ZNF790: variants seen among roughly 807,000 people sequenced by gnomAD.
The protein encoded by ZNF790 is zinc finger protein 790.
ZNF790 carries 8 observed loss-of-function variants against 12.1 expected under a neutral mutation model. The observed-to-expected ratio is 0.66, with a 90% CI of 0.39 to 1.19. The LOEUF (loss-of-function observed/expected upper bound fraction) is 1.19, where lower values mean the gene tolerates loss of function less well. Among genes scored for constraint, ZNF790 ranks in the 50% most tolerant of loss-of-function variants. ZNF790 has a pLI of 0.01. For missense variants in ZNF790, 707 were observed against 752.2 expected, an observed-to-expected ratio of 0.94 and a Z score of 0.70; for synonymous variants, 252 against 244.3, an observed-to-expected ratio of 1.03 and a Z score of -0.29.
intron 1 of ZNF790, among the ~76,000 whole-genome samples, chr19:36,829,650 C>G (rs1042359150): frequency 6.6e-6 from 1 of 152,200 alleles, no homozygotes; most frequent in Admixed American, 6.5e-5. Flanking sequence ...TCACCACAAC[C>G]TCCACCTCTG....
upstream of ZNF790, among the ~76,000 whole-genome samples, chr19:36,841,841 T>C (rs1216154753): frequency 8.6e-6 from 1 of 116,660 alleles, no homozygotes; most frequent in Non-Finnish European, 1.7e-5. Context: ...ATAGCAAGAC[T>C]CCATCTCGGG....
chr19:36,821,740 T>C (rs1353869519), intron 4 of ZNF790, among the ~76,000 whole-genome samples: 1 of 152,008 alleles, frequency 6.6e-6, no homozygotes, highest in East Asian at 1.9e-4. Context: ...CCCACCCCCA[T>C]GCCCAGCTCA....
chr19:36,825,565 T>C (rs1472243578), intron 2 of ZNF790, 46 bp downstream of exon 2: 1 of 1,588,350 alleles, frequency 6.3e-7, no homozygotes, highest in African/African-American at 1.3e-5. Context: ...TCACATGATT[T>C]GATATAAATG....
At position 36,819,243 on chromosome 19, in the gene ZNF790, C is replaced by G. The variant is rs1243291902; in HGVS notation, c.1101G>C (p.Glu367Asp). The G allele has an allele frequency of 1.2e-6, 2 of 1,613,588 alleles. No individual in the cohort carries two copies. ...QRIHTGEKSH[E>D]CKECGKAFIR... The stretch of plus-strand genomic sequence containing the variant: ...TAAAGGCTTTTCCACATTCCTTACA[C>G]TCATGAGATTTCTCACCAGTATGAA... Residue 367 changes from glutamate (E) to aspartate (D), a missense_variant, in exon 5 of 5, where the codon GAG (glutamate) becomes GAC (aspartate). Physicochemically the swap from Glu to Asp is conservative, Grantham distance 45. Transcript: ENST00000356725.
Position 36,838,127 on chromosome 19 carries a change from C to CACAT in ZNF790, c.-74+209_-74+210insATGT, listed in dbSNP as rs1458021940. On this transcript the variant is annotated intron_variant, in intron 1 of 4. Coordinates refer to ENST00000356725, the MANE Select transcript of ZNF790 (RefSeq NM_206894.4). This position sits in a 1 kb window ranked among gnomAD's most constrained non-coding sequence, Gnocchi z 4.4. Reference sequence around the variant, plus strand: ...GCGCGCACACACACACACACACACACATACACACACACACACACAAGCTCC... The same window carrying CACAT: ...GCGCGCACACACACACACACACACACACATATACACACACACACACACAAGCTCC... 5 of 75,232 alleles carry CACAT rather than the reference C, an allele frequency of 6.6e-5. No homozygotes were observed. In the East Asian group the frequency reaches 1.5e-3, roughly 22 times the overall value. The allele number at this position is 75,232 out of a possible 1,614,324, so 4.7% of individuals were successfully genotyped here.
At position 36,823,379 on chromosome 19, in the gene ZNF790, A is replaced by G. The variant is rs2146026245; in HGVS notation, c.135T>C (p.Gly45=). The change falls in exon 4 of 5, where the codon GGT becomes GGC. Residue 45 remains glycine (G), a splice_region_variant and synonymous_variant. Transcript: ENST00000356725. The part of the protein sequence containing the change: ...LENYSNMVSL[G]FCIYQPEAFS... The stretch of plus-strand genomic sequence containing the variant: ...ACGCTTCTGGCTGATAAATGCAAAA[A>G]CCTGCCCAGAAGATGAGAAACAGCA... 6 of 1,613,582 alleles carry G rather than the reference A, an allele frequency of 3.7e-6. No homozygotes were observed. In the East Asian group the frequency reaches 1.3e-4, roughly 36 times the overall value.
At chr19:36,845,634 G>T (rs2072173312) in intron 1 of ZNF790, among the ~76,000 whole-genome samples, 1 of 152,132 alleles carries the variant, frequency 6.6e-6, no homozygotes, top group Admixed American at 6.6e-5. Context: ...TCAATAATTT[G>T]TCCTAGACTA....
intron 4 of ZNF790, 31 bp downstream of exon 4, chr19:36,823,254 G>C: frequency 6.4e-7 from 1 of 1,573,088 alleles, no homozygotes; most frequent in Non-Finnish European, 8.7e-7. Context: ...CACAACAATG[G>C]CCTCCTTGTG....
chr19:36,826,255 G>A (rs1476299537), intron 1 of ZNF790, among the ~76,000 whole-genome samples: 1 of 152,044 alleles, frequency 6.6e-6, no homozygotes, highest in East Asian at 1.9e-4. Context: ...GCTGGATTGG[G>A]CGAGTAGTCA....
Position 36,819,607 on chromosome 19 carries a change from C to G in ZNF790, c.737G>C (p.Arg246Thr). The change falls in exon 5 of 5, where the codon AGA (arginine) becomes ACA (threonine). Residue 246 changes from arginine (R) to threonine (T), a missense_variant. Coordinates refer to ENST00000356725, the MANE Select transcript of ZNF790 (RefSeq NM_206894.4). Reference protein sequence around the residue: ...SLRSSLTGHKRIHTGEKPFKC... With the variant: ...SLRSSLTGHKTIHTGEKPFKC... ...AAAAGGTTTCTCACCGGTATGAATT[C>G]TCTTATGACCAGTAAGACTCGAACG... 4 of 1,606,708 alleles carry G rather than the reference C, an allele frequency of 2.5e-6. No individual in the cohort carries two copies. Among genetic ancestry groups the G allele is most frequent in the Non-Finnish European group, 3.4e-6 (4 of 1,176,650 alleles).
intron 1 of ZNF790, among the ~76,000 whole-genome samples, chr19:36,848,180 A>AG (rs1167561578): frequency 6.6e-6 from 1 of 152,226 alleles, no homozygotes; most frequent in Non-Finnish European, 1.5e-5. Flanking sequence ...TTCAACCACA[A>AG]GTGAGTTAAT....
rs376128402 is a variant in ZNF790 at position 36,820,145 on chromosome 19, G to A, written c.230-31C>T. 16 of 1,567,408 alleles carry A rather than the reference G, an allele frequency of 1.0e-5. No individual in the cohort carries two copies. The African/African-American group carries it at 1.4e-4, about 13-fold the overall frequency. On this transcript the variant is annotated intron_variant, in intron 4 of 4. Coordinates refer to ENST00000356725, the MANE Select transcript of ZNF790 (RefSeq NM_206894.4). ...AAATAAGAAGGTAAAAACATCATAC[G>A]GTTGTATGTACAAAAAGCAATACAA... is the stretch of plus-strand genomic sequence containing the variant.
At chr19:36,835,742 T>C (rs2072032585) in intron 1 of ZNF790, among the ~76,000 whole-genome samples, 1 of 151,768 alleles carries the variant, frequency 6.6e-6, no homozygotes, top group Non-Finnish European at 1.5e-5. Flanking sequence ...ATTCGTTTTC[T>C]TATGTTTTCC....
intron 2 of ZNF790, among the ~76,000 whole-genome samples, chr19:36,825,068 C>T (rs1025732962): frequency 6.6e-6 from 1 of 152,188 alleles, no homozygotes; most frequent in Non-Finnish European, 1.5e-5. Context: ...CTATACCAGC[C>T]TGGAATAACT....
At chr19:36,823,874 G>A in intron 2 of ZNF790, 84 bp from the exon 3 acceptor site, 2 of 1,331,040 alleles carry the variant, frequency 1.5e-6, no homozygotes, top group Non-Finnish European at 2.0e-6. Flanking sequence ...GGAAAGGCTG[G>A]AAAGGGGCAC....
Position 36,818,630 on chromosome 19 carries a change from T to C in ZNF790, c.1714A>G (p.Ser572Gly). The C allele has an allele frequency of 6.2e-7, 1 of 1,611,514 alleles. No homozygotes were observed. The highest frequency in any genetic ancestry group is 8.5e-7 in the Non-Finnish European group (1 of 1,178,778). The change falls in exon 5 of 5, where the codon AGT becomes GGT. Residue 572 changes from serine (S) to glycine (G), a missense_variant. By Grantham distance (56) the Ser-to-Gly change is moderately conservative (BLOSUM62 0). Coordinates refer to ENST00000356725, the MANE Select transcript of ZNF790 (RefSeq NM_206894.4). Reference protein sequence around the residue: ...YGCKKSSHIFSHHSYFTEQKI... With the variant: ...YGCKKSSHIFGHHSYFTEQKI... ...TGTTCAGTAAAATATGAATGGTGAC[T>C]AAAGATGTGGCTACTTTTCTTGCAT... is the stretch of plus-strand genomic sequence containing the variant.
At chr19:36,825,511 A>G (rs899910782) in intron 2 of ZNF790, 100 bp downstream of exon 2, 26 of 1,216,522 alleles carry the variant, frequency 2.1e-5, no homozygotes, top group South Asian at 6.0e-5. Context: ...ATGACACTCA[A>G]TAGTGATTCA....
Position 36,819,324 on chromosome 19 carries a change from A to C in ZNF790, c.1020T>G (p.Cys340Trp). Residue 340 changes from cysteine to tryptophan, a missense_variant, in exon 5 of 5, where the codon TGT becomes TGG. Coordinates refer to ENST00000356725, the MANE Select transcript of ZNF790 (RefSeq NM_206894.4). Reference sequence around the variant, plus strand: ...GAGTAAAAGCTTTCCCACACTCCTTACATTCATAAGGTTTTTCACCAGTGT... The same window carrying C: ...GAGTAAAAGCTTTCCCACACTCCTTCCATTCATAAGGTTTTTCACCAGTGT... ...RIHTGEKPYE[C>W]KECGKAFTRG... 1 of 1,611,800 alleles carries C rather than the reference A, an allele frequency of 6.2e-7. No individual in the cohort carries two copies. Among genetic ancestry groups the C allele is most frequent in the Non-Finnish European group, 8.5e-7 (1 of 1,178,680 alleles).
At chr19:36,844,339 A>C (rs73037195) in intron 1 of ZNF790, among the ~76,000 whole-genome samples, 22,358 of 151,698 alleles carry the variant, frequency 0.15, 1,866 homozygotes, top group Non-Finnish European at 0.19. Flanking sequence ...AAAACAAAAA[A>C]AAAAAAACCC....
Sources: gnomAD v4.1 joint callset for allele counts (sites outside exome capture counted in the v4.1 genomes callset) on GRCh38, gnomAD v4.1.1 for gene constraint, Gnocchi (gnomAD v3.1) non-coding constraint, MANE v1.5 for transcripts, NCBI Gene and HGNC (gene_info 2026-07-23, HGNC 2026-07-21) for gene names.